CLPTM1: variants seen among roughly 807,000 people sequenced by gnomAD.
CLPTM1 encodes the protein putative lipid scramblase CLPTM1.
Under a neutral mutation model 77.3 loss-of-function variants are expected in CLPTM1, and 21 were observed. The observed-to-expected ratio is 0.27, with a 90% CI of 0.19 to 0.39. The LOEUF (loss-of-function observed/expected upper bound fraction) is 0.39, where lower values mean the gene tolerates loss of function less well. Ranked by LOEUF, CLPTM1 falls within the 10% of genes least tolerant of loss-of-function variation. The pLI is 1.00. For synonymous variants in CLPTM1, 373 were observed against 381.0 expected (o/e 0.98, Z 0.24); for missense variants, 642 against 921.2 (o/e 0.70, Z 3.92).
Position 44,992,548 on chromosome 19 carries a change from C to T in CLPTM1, c.1724-63C>T. The T allele has an allele frequency of 6.2e-7, 1 of 1,603,588 alleles. No homozygotes were observed. The highest frequency in any genetic ancestry group is 8.5e-7 in the Non-Finnish European group (1 of 1,173,368). On this transcript the variant is annotated intron_variant, in intron 13 of 13. Transcript: ENST00000337392. The surrounding 1 kb of genome is among the most constrained non-coding windows in gnomAD (Gnocchi z 7.7). ...CCGCCCTTGCATCACGCCCTCTCCA[C>T]CCAGGCCCACCTGGCTGTGGACGGG...
chr19:44,986,151 C>T (rs1203320538), intron 6 of CLPTM1, among the ~76,000 whole-genome samples: 2 of 152,046 alleles, frequency 1.3e-5, no homozygotes, highest in African/African-American at 2.4e-5. Context: ...AGTTCAAGAT[C>T]AGCCCAGGCA....
chr19:44,958,516 C>T (rs1970497965), intron 1 of CLPTM1, among the ~76,000 whole-genome samples: 2 of 152,054 alleles, frequency 1.3e-5, no homozygotes, highest in Admixed American at 1.3e-4. Flanking sequence ...GGATTACAAG[C>T]ACCTGCCACC....
At chr19:44,957,974 C>G (rs1970488682) in intron 1 of CLPTM1, among the ~76,000 whole-genome samples, 1 of 152,038 alleles carries the variant, frequency 6.6e-6, no homozygotes, top group South Asian at 2.1e-4. Context: ...CAGACAGGGA[C>G]ACACAGTGAA....
intron 2 of CLPTM1, among the ~76,000 whole-genome samples, chr19:44,972,552 T>C (rs987027749): frequency 1.8e-4 from 28 of 152,214 alleles, no homozygotes; most frequent in African/African-American, 6.5e-4. Context: ...CCCGTCCTCG[T>C]TCATTCTATT....
Position 44,974,426 on chromosome 19 carries a change from C to A in CLPTM1, c.310-13C>A, listed in dbSNP as rs1368351787. 4 of 1,607,984 alleles carry A rather than the reference C, an allele frequency of 2.5e-6. No individual in the cohort carries two copies. The highest frequency in any genetic ancestry group is 1.7e-5 in the Admixed American group (1 of 59,792). On this transcript the variant is annotated splice_polypyrimidine_tract_variant and intron_variant, in intron 3 of 13. Coordinates refer to ENST00000337392, the MANE Select transcript of CLPTM1 (RefSeq NM_001294.4). ...GAGCAGGCCTGAGCTCTGTTCCCTT[C>A]CTGTCCCAACAGAACCTGCATGTGT...
Position 44,988,120 on chromosome 19 carries a change from C to T in CLPTM1, c.1079C>T (p.Thr360Ile). 1 of 1,614,156 alleles carries T rather than the reference C, an allele frequency of 6.2e-7. No individual in the cohort carries two copies. Among genetic ancestry groups the T allele is most frequent in the Non-Finnish European group, 8.5e-7 (1 of 1,179,992 alleles). The change falls in exon 9 of 14, where the codon ACC becomes ATC. Residue 360 changes from threonine to isoleucine, a missense_variant. This residue lies in a region of CLPTM1 where 521 missense variants were observed against 800.4 expected (regional missense o/e 0.65). Coordinates refer to ENST00000337392, the MANE Select transcript of CLPTM1 (RefSeq NM_001294.4). ...LETNPYLLAL[T>I]IIVSIVHSVF... ...ACCAACCCCTACCTGCTGGCGCTCA[C>T]CATCATCGTGTCTATCGTTCACAGT...
chr19:44,973,258 G>A (rs760660664), intron 3 of CLPTM1, 48 bp downstream of exon 3: 21 of 1,612,456 alleles, frequency 1.3e-5, no homozygotes, highest in Non-Finnish European at 1.4e-5. Flanking sequence ...GGGGTGTGGA[G>A]GGGTGGAATG....
intron 9 of CLPTM1, among the ~76,000 whole-genome samples, chr19:44,988,788 C>A (rs1971023003): frequency 6.6e-6 from 1 of 152,244 alleles, no homozygotes; most frequent in South Asian, 2.1e-4. Context: ...CTGCAGGCCA[C>A]TTCTTCCTTG....
chr19:44,978,116 A>G (rs987237599), intron 5 of CLPTM1, among the ~76,000 whole-genome samples: 3 of 151,750 alleles, frequency 2.0e-5, no homozygotes, highest in Non-Finnish European at 4.4e-5. Flanking sequence ...TCTCAAAAAG[A>G]TAGATAGAGG....
At chr19:44,974,864 G>A (rs1600027959) in intron 4 of CLPTM1, among the ~76,000 whole-genome samples, 1 of 152,142 alleles carries the variant, frequency 6.6e-6, no homozygotes, top group Admixed American at 6.5e-5. Flanking sequence ...CTTTAAACTG[G>A]TGAAAGATTA....
rs1568391457 is a variant in CLPTM1, at chr19:44,992,953, G to GC, written c.*61dup. On this transcript the variant is annotated 3_prime_UTR_variant, in exon 14 of 14. Coordinates refer to ENST00000337392, the MANE Select transcript of CLPTM1 (RefSeq NM_001294.4). The surrounding 1 kb of genome is among the most constrained non-coding windows in gnomAD (Gnocchi z 7.7). ...TGGCGACCACTACCCCTGCGTCCCG[G>GC]CCCCCTCGCCTCCCCTCCCTGTCGC... 6.4e-7 allele frequency: 1 copy of GC among 1,561,764 alleles called. No homozygotes were observed.
intron 5 of CLPTM1, among the ~76,000 whole-genome samples, chr19:44,981,194 G>GA (rs1295691086): frequency 6.6e-6 from 1 of 151,738 alleles, no homozygotes; most frequent in Non-Finnish European, 1.5e-5. Flanking sequence ...GCCCAGGCTG[G>GA]AGTACAGTGG....
At chr19:44,987,456 G>A (rs750071785) in intron 8 of CLPTM1, 33 bp downstream of exon 8, 1 of 1,607,608 alleles carries the variant, frequency 6.2e-7, no homozygotes, top group Non-Finnish European at 8.5e-7. Flanking sequence ...GGACTTCCCG[G>A]TGCCTTCCTG....
chr19:44,987,680 C>T, intron 8 of CLPTM1: 1 of 567,026 alleles, frequency 1.8e-6, no homozygotes. Flanking sequence ...CTCCTTCTGT[C>T]CCAGACCTTG....
chr19:44,988,606 A>T (rs1378028070), intron 9 of CLPTM1, among the ~76,000 whole-genome samples: 1 of 152,202 alleles, frequency 6.6e-6, no homozygotes, highest in Non-Finnish European at 1.5e-5. Flanking sequence ...GGCTGACCAT[A>T]CTGATGGCCA....
intron 8 of CLPTM1, chr19:44,987,721 T>C (rs751033794): frequency 3.7e-6 from 2 of 546,380 alleles, no homozygotes; most frequent in Non-Finnish European, 6.6e-6. Flanking sequence ...ACTCTGTGTC[T>C]CTGCCATCTC....
intron 8 of CLPTM1, 154 bp from the exon 9 acceptor site, chr19:44,987,926 C>T (rs1464829545): frequency 1.5e-6 from 1 of 673,906 alleles, no homozygotes; most frequent in Admixed American, 2.3e-5. Flanking sequence ...ACCCTCCTCT[C>T]TCTCCCCATC....
At chr19:44,977,647 C>G (rs183863127) in intron 5 of CLPTM1, among the ~76,000 whole-genome samples, 187 bp downstream of exon 5, 1 of 152,136 alleles carries the variant, frequency 6.6e-6, no homozygotes. Context: ...GGACACTAAG[C>G]AGGGATACCC....
chr19:44,991,067 T>C lies in CLPTM1; in HGVS notation c.1419+122T>C. 1 of 1,283,810 alleles carries C rather than the reference T, an allele frequency of 7.8e-7. No individual in the cohort carries two copies. The highest frequency in any genetic ancestry group is 1.3e-5 in the South Asian group (1 of 77,908). The allele number at this position is 1,283,810 out of a possible 1,614,324, so 79.5% of individuals were successfully genotyped here. ...TTTACAGCCTGTGCCACATCCTCTGTGTCCCCCATCTGCCATAACTGCTTC... is the reference window on the plus strand; with the variant it reads ...TTTACAGCCTGTGCCACATCCTCTGCGTCCCCCATCTGCCATAACTGCTTC... On this transcript the variant is annotated intron_variant, in intron 11 of 13. Coordinates refer to ENST00000337392, the MANE Select transcript of CLPTM1 (RefSeq NM_001294.4). This position sits in a 1 kb window ranked among gnomAD's most constrained non-coding sequence, Gnocchi z 5.4.
Sources: gnomAD v4.1 joint callset for allele counts (sites outside exome capture counted in the v4.1 genomes callset) on GRCh38, gnomAD v4.1.1 for gene constraint, gnomAD v4.1.1 regional missense constraint, Gnocchi (gnomAD v3.1) non-coding constraint, MANE v1.5 for transcripts, NCBI Gene and HGNC (gene_info 2026-07-23, HGNC 2026-07-21) for gene names.